Variants in KCNIP1 observed in about 807,000 individuals in gnomAD.
KCNIP1 encodes the protein A-type potassium channel modulatory protein KCNIP1.
A neutral mutation model predicts 33.0 loss-of-function variants in KCNIP1; 18 were observed. The observed-to-expected ratio is 0.55, with a 90% CI of 0.38 to 0.81. The LOEUF (loss-of-function observed/expected upper bound fraction) is 0.81. Among genes scored for constraint, KCNIP1 ranks in the 30% least tolerant of loss-of-function variants. The pLI is 0.00. For synonymous variants in KCNIP1, 93 were observed against 98.3 expected (o/e 0.95, Z 0.32); for missense variants, 238 against 271.6 (o/e 0.88, Z 0.87).
chr5:170,647,656 C>T (rs1451507752), intron 1 of KCNIP1, among the ~76,000 whole-genome samples: 2 of 150,014 alleles, frequency 1.3e-5, no homozygotes, highest in African/African-American at 4.9e-5. Flanking sequence ...AAATATAAGA[C>T]ACAAAACTAT....
intron 1 of KCNIP1, among the ~76,000 whole-genome samples, chr5:170,645,035 A>G (rs979717000): frequency 6.6e-6 from 1 of 152,158 alleles, no homozygotes; most frequent in African/African-American, 2.4e-5. Context: ...GGCTAATTTG[A>G]GCATAAGCAC....
intron 1 of KCNIP1, among the ~76,000 whole-genome samples, chr5:170,390,849 C>T (rs776182524): frequency 2.0e-5 from 3 of 152,044 alleles, no homozygotes; most frequent in Non-Finnish European, 4.4e-5. Context: ...GTTTCCCCAG[C>T]CCCCAGGGAG....
At chr5:170,684,886 A>AT (rs1184815507) in intron 1 of KCNIP1, among the ~76,000 whole-genome samples, 4 of 152,318 alleles carry the variant, frequency 2.6e-5, no homozygotes, top group African/African-American at 9.6e-5. Context: ...AATTACTTAC[A>AT]TGTTGACTTG....
At chr5:170,652,527 A>G (rs13165621) in intron 1 of KCNIP1, among the ~76,000 whole-genome samples, 19 of 113,820 alleles carry the variant, frequency 1.7e-4, no homozygotes, top group African/African-American at 4.2e-4. Context: ...GGAGAAAAGA[A>G]AAAAGAAAAG....
At chr5:170,731,655 C>G (rs1484836376) in intron 5 of KCNIP1, among the ~76,000 whole-genome samples, 2 of 147,228 alleles carry the variant, frequency 1.4e-5, no homozygotes, top group Non-Finnish European at 3.0e-5. Context: ...GATTGTGCCA[C>G]TGCACTCCAG....
At chr5:170,624,811 T>C (rs1450568820) in intron 1 of KCNIP1, among the ~76,000 whole-genome samples, 1 of 151,454 alleles carries the variant, frequency 6.6e-6, no homozygotes, top group Non-Finnish European at 1.5e-5. Context: ...TTCCTCACTC[T>C]CCTTTCCTTC....
intron 1 of KCNIP1, among the ~76,000 whole-genome samples, chr5:170,575,333 CTTT>C (rs1432275372): frequency 2.6e-5 from 4 of 152,160 alleles, no homozygotes; most frequent in African/African-American, 9.7e-5. Context: ...AAAATGTCCC[CTTT>C]AATAGGGCAT....
chr5:170,383,362 C>G, intron 1 of KCNIP1: 1 of 592,130 alleles, frequency 1.7e-6, no homozygotes, highest in South Asian at 2.0e-5. Context: ...AAGCGTGGCA[C>G]TTTATATACA....
At chr5:170,708,551 T>C (rs1763338086) in intron 1 of KCNIP1, among the ~76,000 whole-genome samples, 1 of 152,240 alleles carries the variant, frequency 6.6e-6, no homozygotes, top group African/African-American at 2.4e-5. Context: ...TATCATTTAG[T>C]TCAAAATTAC....
chr5:170,447,879 C>G (rs1756156986), intron 1 of KCNIP1, among the ~76,000 whole-genome samples: 1 of 151,752 alleles, frequency 6.6e-6, no homozygotes, highest in Non-Finnish European at 1.5e-5. Flanking sequence ...CACCTTGAGG[C>G]CTTTGCACAT....
Position 170,712,728 on chromosome 5 carries a change from G to T in KCNIP1, c.62-6030G>T, listed in dbSNP as rs151140007. The T allele has an allele frequency of 3.0e-5, 26 of 863,486 alleles. No homozygotes were observed. In the African/African-American group the frequency reaches 4.3e-4, roughly 14 times the overall value. 53.5% of individuals were successfully genotyped at this position (863,486 alleles called of 1,614,324 possible). On this transcript the variant is annotated intron_variant, in intron 1 of 7. Coordinates refer to ENST00000328939, the MANE Select transcript of KCNIP1 (RefSeq NM_014592.4). The stretch of plus-strand genomic sequence containing the variant: ...TCAGCTCCAGCTCTGCTACTGAGAG[G>T]CTCTTCGCATATGTCAAGCTGGACG...
chr5:170,371,070 G>A (rs145603049), intron 1 of KCNIP1, among the ~76,000 whole-genome samples: 126 of 152,288 alleles, frequency 8.3e-4, no homozygotes, highest in Admixed American at 3.4e-3. Context: ...AATGAGAGGC[G>A]GGTGCATTTG....
At chr5:170,622,517 G>T (rs1367840203) in intron 1 of KCNIP1, among the ~76,000 whole-genome samples, 1 of 151,864 alleles carries the variant, frequency 6.6e-6, no homozygotes, top group African/African-American at 2.4e-5. Flanking sequence ...AGCTACTCGG[G>T]AGGCTGAGGC....
chr5:170,705,371 G>A (rs1404102567), intron 1 of KCNIP1, among the ~76,000 whole-genome samples: 1 of 152,198 alleles, frequency 6.6e-6, no homozygotes, highest in African/African-American at 2.4e-5. Flanking sequence ...GCATCTGGAA[G>A]TTCATGTTCC....
At chr5:170,637,879 C>T (rs1302121710) in intron 1 of KCNIP1, among the ~76,000 whole-genome samples, 1 of 152,084 alleles carries the variant, frequency 6.6e-6, no homozygotes, top group Non-Finnish European at 1.5e-5. Context: ...TAGAATGGTG[C>T]TGGGCCCAGA....
intron 1 of KCNIP1, among the ~76,000 whole-genome samples, chr5:170,660,414 A>AC (rs1012066937): frequency 1.3e-5 from 2 of 152,068 alleles, no homozygotes; most frequent in African/African-American, 4.8e-5. Context: ...AAAGTAAATC[A>AC]CAGTGCAGTG....
chr5:170,670,555 C>T (rs112809860), intron 1 of KCNIP1, among the ~76,000 whole-genome samples: 2,776 of 152,210 alleles, frequency 0.018, 84 homozygotes, highest in African/African-American at 0.062. Flanking sequence ...TTGGTTAACC[C>T]GAGTAAGGCT....
chr5:170,499,349 G>C (rs531500790), upstream of KCNIP1, among the ~76,000 whole-genome samples: 1 of 152,288 alleles, frequency 6.6e-6, no homozygotes, highest in South Asian at 2.1e-4. Flanking sequence ...ACAGGAATAG[G>C]GCAGTCCACC....
At chr5:170,501,214 TGGA>T (rs1404663875), upstream of KCNIP1, among the ~76,000 whole-genome samples, 1 of 152,104 alleles carries the variant, frequency 6.6e-6, no homozygotes, top group Non-Finnish European at 1.5e-5. Context: ...GAGGGATCCC[TGGA>T]GGAGATGACA....
Sources: gnomAD v4.1 joint callset for allele counts (sites outside exome capture counted in the v4.1 genomes callset) on GRCh38, gnomAD v4.1.1 for gene constraint, MANE v1.5 for transcripts, NCBI Gene and HGNC (gene_info 2026-07-23, HGNC 2026-07-21) for gene names.